The following PDE10A variants were observed in gnomAD, a reference collection of about 807,000 sequenced individuals.
PDE10A encodes phosphodiesterase 10A.
Under a neutral mutation model 97.7 loss-of-function variants are expected in PDE10A, and 39 were observed. That is an observed-to-expected ratio of 0.40 (90% CI 0.31 to 0.52). PDE10A has a LOEUF of 0.52. Among genes scored for constraint, PDE10A ranks in the 20% least tolerant of loss-of-function variants. The pLI, the probability that PDE10A is intolerant of heterozygous loss-of-function variation, is 0.56. For synonymous variants in PDE10A, 371 were observed against 376.8 expected (o/e 0.98, Z 0.18); for missense variants, 731 against 1,047.8 (o/e 0.70, Z 4.17).
chr6:165,543,872 G>T (rs965099893), intron 1 of PDE10A, among the ~76,000 whole-genome samples: 2 of 105,610 alleles, frequency 1.9e-5, no homozygotes, highest in Non-Finnish European at 1.9e-5. Flanking sequence ...TCATATATAC[G>T]TGTGTGTGTG....
chr6:165,936,208 A>G (rs1035676242), intron 1 of PDE10A, among the ~76,000 whole-genome samples: 2 of 152,222 alleles, frequency 1.3e-5, no homozygotes, highest in Non-Finnish European at 2.9e-5. Flanking sequence ...TGATGTATTC[A>G]TGCAGAACTG....
At chr6:165,883,974 C>A (rs1781561315) in intron 1 of PDE10A, among the ~76,000 whole-genome samples, 1 of 152,120 alleles carries the variant, frequency 6.6e-6, no homozygotes, top group Admixed American at 6.5e-5. Flanking sequence ...TATGCCGACT[C>A]CGGAGAGAAA....
chr6:165,781,521 A>T (rs1373798530), intron 1 of PDE10A: 4 of 151,890 alleles, frequency 2.6e-5, no homozygotes, highest in African/African-American at 9.7e-5. Flanking sequence ...CCCCAACAAA[A>T]ATGTTCACAT....
rs550075416 is a variant in PDE10A at position 165,382,555 on chromosome 6, T to C, written c.2611-3189A>G. Among the ~76,000 whole-genome samples, 365 of 152,302 alleles carry C rather than the reference T, an allele frequency of 2.4e-3. 1 individual carries two copies. The highest frequency in any genetic ancestry group is 8.4e-3 in the African/African-American group (350 of 41,572). On this transcript the variant is annotated intron_variant, in intron 17 of 21. Coordinates refer to ENST00000539869, the MANE Select transcript of PDE10A (RefSeq NM_001385079.1). ...TGCCACTTACTAGTTATGTGACAAA[T>C]AGATTACTTAACCTCCTTGATGCAT...
intron 1 of PDE10A, among the ~76,000 whole-genome samples, chr6:165,710,691 C>T (rs370756649): frequency 5.9e-5 from 9 of 152,192 alleles, no homozygotes; most frequent in Middle Eastern, 3.4e-3. Context: ...AAATTATTTT[C>T]TCATTGAATG....
intron 1 of PDE10A, among the ~76,000 whole-genome samples, chr6:165,892,315 G>A (rs1291391967): frequency 6.6e-6 from 1 of 152,164 alleles, no homozygotes; most frequent in Non-Finnish European, 1.5e-5. Flanking sequence ...TCCAGAGAAG[G>A]CTGGACTCCC....
intron 1 of PDE10A, among the ~76,000 whole-genome samples, chr6:165,769,048 C>A (rs1021509): frequency 0.36 from 54,934 of 152,064 alleles, 10,128 homozygotes; most frequent in Admixed American, 0.44. Flanking sequence ...GCTCTTATTA[C>A]ACTTTACAAA....
chr6:165,873,904 G>A (rs1035350173), intron 1 of PDE10A, among the ~76,000 whole-genome samples: 7 of 152,210 alleles, frequency 4.6e-5, no homozygotes, highest in Admixed American at 2.6e-4. Flanking sequence ...GTATGTACAC[G>A]TTTTAAGACT....
Position 165,329,727 on chromosome 6 carries a change from C to G in PDE10A, c.*3298G>C, listed in dbSNP as rs563426560. On this transcript the variant is annotated 3_prime_UTR_variant, in exon 22 of 22. Coordinates refer to ENST00000539869, the MANE Select transcript of PDE10A (RefSeq NM_001385079.1). Reference sequence around the variant, plus strand: ...AGAGGAAATCTATTATTGAACACATCTAGTTTCCAATTAGTTGCTTTTGTT... The same window carrying G: ...AGAGGAAATCTATTATTGAACACATGTAGTTTCCAATTAGTTGCTTTTGTT... 2.0e-5 allele frequency: 3 copies of G among 152,326 alleles called. No individual in the cohort carries two copies. The East Asian group carries it at 5.8e-4, about 29-fold the overall frequency. 9.4% of individuals were successfully genotyped at this position (152,326 alleles called of 1,614,324 possible).
chr6:165,456,720 A>G (rs1777975640), intron 3 of PDE10A, among the ~76,000 whole-genome samples: 1 of 152,222 alleles, frequency 6.6e-6, no homozygotes, highest in Non-Finnish European at 1.5e-5. Context: ...GAGATAAGCT[A>G]TGACCTAGGT....
chr6:165,389,689 G>C (rs66848668), intron 16 of PDE10A, among the ~76,000 whole-genome samples: 1 of 151,950 alleles, frequency 6.6e-6, no homozygotes, highest in African/African-American at 2.4e-5. Flanking sequence ...GAAGCCTCAC[G>C]GCCTGGAGAT....
intron 1 of PDE10A, among the ~76,000 whole-genome samples, chr6:165,554,982 T>C (rs1784181004): frequency 6.6e-6 from 1 of 152,022 alleles, no homozygotes; most frequent in Admixed American, 6.6e-5. Flanking sequence ...ACTGCACTCA[T>C]GGACACAGTG....
chr6:165,809,466 G>T (rs898096120), intron 1 of PDE10A, among the ~76,000 whole-genome samples: 3 of 152,108 alleles, frequency 2.0e-5, no homozygotes, highest in Non-Finnish European at 4.4e-5. Flanking sequence ...GGAGCCCTGT[G>T]CTGTGTCCTC....
chr6:165,641,991 G>A (rs900564020), intron 1 of PDE10A, among the ~76,000 whole-genome samples: 15 of 148,568 alleles, frequency 1.0e-4, no homozygotes, highest in Non-Finnish European at 2.1e-4. Flanking sequence ...TTCCTTTGAC[G>A]CCCATTCGGG....
At chr6:165,783,547 C>T (rs1367392455) in intron 1 of PDE10A, among the ~76,000 whole-genome samples, 1 of 151,706 alleles carries the variant, frequency 6.6e-6, no homozygotes, top group Admixed American at 6.6e-5. Flanking sequence ...TAGTGGTGGA[C>T]ATTGTTCACA....
intron 1 of PDE10A, among the ~76,000 whole-genome samples, chr6:165,804,482 G>C (rs1341832659): frequency 6.6e-6 from 1 of 152,196 alleles, no homozygotes; most frequent in Non-Finnish European, 1.5e-5. Context: ...TTGTGCGGTG[G>C]GGAGAGAGAC....
At chr6:165,778,065 CAATTTTT>C (rs1778239639) in intron 1 of PDE10A, among the ~76,000 whole-genome samples, 1 of 151,482 alleles carries the variant, frequency 6.6e-6, no homozygotes, top group African/African-American at 2.4e-5. Flanking sequence ...TGTTTATTTT[CAATTTTT>C]AATTTTTATT....
At chr6:165,411,086 C>CAA (rs71026688) in intron 13 of PDE10A, among the ~76,000 whole-genome samples, 109 of 42,930 alleles carry the variant, frequency 2.5e-3, no homozygotes, top group East Asian at 3.7e-3. Flanking sequence ...GACTCCGCCT[C>CAA]AAAAAAAAAA....
At chr6:165,357,391 T>C (rs1339535332) in intron 18 of PDE10A, among the ~76,000 whole-genome samples, 1 of 152,184 alleles carries the variant, frequency 6.6e-6, no homozygotes, top group Non-Finnish European at 1.5e-5. Context: ...ACTTTGGAAA[T>C]CAGGATTATT....
Sources: allele counts gnomAD v4.1 joint callset (sites outside exome capture counted in the v4.1 genomes callset), GRCh38; gene constraint gnomAD v4.1.1; transcripts MANE v1.5; gene names NCBI Gene and HGNC (gene_info 2026-07-23, HGNC 2026-07-21).